ACSL3: variants seen among roughly 807,000 people sequenced by gnomAD.
ACSL3 encodes fatty acid CoA ligase Acsl3.
ACSL3 carries 34 observed loss-of-function variants against 84.7 expected under a neutral mutation model. That is an observed-to-expected ratio of 0.40 (90% CI 0.31 to 0.53). ACSL3 has a LOEUF of 0.53. Among genes scored for constraint, ACSL3 ranks in the 20% least tolerant of loss-of-function variants. The pLI is 0.48. For synonymous variants in ACSL3, 315 were observed against 299.4 expected, an observed-to-expected ratio of 1.05 and a Z score of -0.54; for missense variants, 680 against 873.1, an observed-to-expected ratio of 0.78 and a Z score of 2.79.
At chr2:222,916,558 A>G in intron 5 of ACSL3, 62 bp downstream of exon 5, 1 of 1,450,506 alleles carries the variant, frequency 6.9e-7, no homozygotes, top group Non-Finnish European at 9.2e-7. Context: ...GAAATACTTT[A>G]CTCTGAAGAG....
intron 4 of ACSL3, among the ~76,000 whole-genome samples, chr2:222,915,785 C>A (rs1040739006): frequency 1.3e-5 from 2 of 152,162 alleles, no homozygotes; most frequent in Non-Finnish European, 2.9e-5. Context: ...TTTGCTTATC[C>A]AGAGTTTGGT....
Position 222,927,287 on chromosome 2 carries a change from T to G in ACSL3, c.1465+98T>G, listed in dbSNP as rs1387580634. The G allele has an allele frequency of 3.9e-6, 5 of 1,267,578 alleles. No homozygotes were observed. In the African/African-American group the frequency reaches 6.0e-5, roughly 15 times the overall value. 78.5% of individuals were successfully genotyped at this position (1,267,578 alleles called of 1,614,324 possible). ...AATATATAGGAGAAGAGTAGTAAGG[T>G]GTTTGTGAGGCAGAATAATGGTGGA... On this transcript the variant is annotated intron_variant, in intron 12 of 16. Coordinates refer to ENST00000357430, the MANE Select transcript of ACSL3 (RefSeq NM_004457.5).
intron 16 of ACSL3, among the ~76,000 whole-genome samples, chr2:222,939,008 G>T (rs1043121806): frequency 6.6e-6 from 1 of 150,474 alleles, no homozygotes; most frequent in Non-Finnish European, 1.5e-5. Context: ...TTCATGCGTT[G>T]TTTTCTTGTT....
chr2:222,877,949 C>T (rs939151942), intron 1 of ACSL3, among the ~76,000 whole-genome samples: 1 of 152,078 alleles, frequency 6.6e-6, no homozygotes, highest in Admixed American at 6.5e-5. Flanking sequence ...TGCTGTCTTT[C>T]TTAGATAAGT....
chr2:222,889,816 TG>T (rs1695802480), intron 2 of ACSL3, among the ~76,000 whole-genome samples: 1 of 152,214 alleles, frequency 6.6e-6, no homozygotes, highest in African/African-American at 2.4e-5. Context: ...TTTGAGCACT[TG>T]CAGAAAAGCT....
intron 2 of ACSL3, among the ~76,000 whole-genome samples, chr2:222,899,078 G>A (rs537708819): frequency 1.5e-4 from 23 of 151,980 alleles, no homozygotes; most frequent in Middle Eastern, 6.9e-3. Flanking sequence ...AGCTTTCACC[G>A]TCATACGATA....
intron 2 of ACSL3, among the ~76,000 whole-genome samples, chr2:222,892,562 G>A (rs1695868204): frequency 1.3e-5 from 2 of 152,184 alleles, no homozygotes; most frequent in East Asian, 1.9e-4. Flanking sequence ...TACATGATTT[G>A]CGTCATTCAT....
At chr2:222,931,379 A>G (rs1039200029) in intron 14 of ACSL3, among the ~76,000 whole-genome samples, 4 of 150,208 alleles carry the variant, frequency 2.7e-5, no homozygotes, top group Non-Finnish European at 4.4e-5. Context: ...GCGACACTGC[A>G]CTCCAACCTG....
intron 16 of ACSL3, among the ~76,000 whole-genome samples, chr2:222,941,188 CAG>C (rs1697295958): frequency 6.6e-6 from 1 of 152,180 alleles, no homozygotes; most frequent in African/African-American, 2.4e-5. Flanking sequence ...CCTGAGCTTT[CAG>C]AGTTACTGGG....
rs1428360375 is a variant in ACSL3 at position 222,933,504 on chromosome 2, A to C, written c.1847+224A>C. ...TGTTTTCTGCTTTACGTCTCACTGC[A>C]GTGTCCCATGGAGGGAGGTGAAGAA... On this transcript the variant is annotated intron_variant, in intron 15 of 16. Coordinates refer to ENST00000357430, the MANE Select transcript of ACSL3 (RefSeq NM_004457.5). 2.8e-5 allele frequency: 12 copies of C among 422,690 alleles called. No homozygotes were observed. In the Admixed American group the frequency reaches 3.7e-4, roughly 13 times the overall value. The allele number at this position is 422,690 out of a possible 1,614,324, so 26.2% of individuals were successfully genotyped here. A position where few individuals can be genotyped will look rare whatever the true frequency, so the allele number is the denominator to read the frequency against.
At chr2:222,916,989 G>A (rs1057170218) in intron 5 of ACSL3, among the ~76,000 whole-genome samples, 2 of 152,032 alleles carry the variant, frequency 1.3e-5, no homozygotes, top group Non-Finnish European at 2.9e-5. Context: ...CAGAGGTCTC[G>A]GTGCCAAAAT....
chr2:222,934,413 T>C (rs1468507083), intron 15 of ACSL3, 117 bp from the exon 16 acceptor site: 1 of 768,190 alleles, frequency 1.3e-6, no homozygotes, highest in Non-Finnish European at 1.9e-6. Context: ...GTGCCAAGTA[T>C]GGCACATGCA....
At chr2:222,879,960 T>G (rs537699300) in intron 1 of ACSL3, among the ~76,000 whole-genome samples, 3 of 152,208 alleles carry the variant, frequency 2.0e-5, no homozygotes, top group Non-Finnish European at 2.9e-5. Flanking sequence ...CTAGGCTGGT[T>G]GTTTGCTTCA....
At chr2:222,922,218 A>G (rs896251336) in intron 8 of ACSL3, among the ~76,000 whole-genome samples, 2 of 152,182 alleles carry the variant, frequency 1.3e-5, no homozygotes, top group South Asian at 4.1e-4. Flanking sequence ...ATGTAATCCA[A>G]TTCCCACAAC....
intron 2 of ACSL3, among the ~76,000 whole-genome samples, chr2:222,892,011 A>G (rs1007186536): frequency 4.6e-5 from 7 of 152,114 alleles, no homozygotes; most frequent in African/African-American, 1.7e-4. Context: ...TTATTTTTGT[A>G]TTAAGGAGGT....
chr2:222,915,116 A>G (rs1467129271), intron 4 of ACSL3, among the ~76,000 whole-genome samples: 1 of 152,206 alleles, frequency 6.6e-6, no homozygotes, highest in Non-Finnish European at 1.5e-5. Flanking sequence ...AAAATTCTTA[A>G]TAATTATAAT....
rs537416576 is a variant in ACSL3, at chr2:222,927,201, C to T, written c.1465+12C>T. ...AACAATTTCCGAAGGTAGTGTTCTC[C>T]ATGGTCAGAGGCTGGAGTGTGATGC... On this transcript the variant is annotated intron_variant, in intron 12 of 16. Transcript: ENST00000357430. 1.2e-6 allele frequency: 2 copies of T among 1,609,526 alleles called. No homozygotes were observed. The highest frequency in any genetic ancestry group is 1.7e-5 in the Admixed American group (1 of 59,928).
At chr2:222,872,514 C>A (rs1049037634) in intron 1 of ACSL3, among the ~76,000 whole-genome samples, 1 of 152,196 alleles carries the variant, frequency 6.6e-6, no homozygotes, top group Non-Finnish European at 1.5e-5. Flanking sequence ...ATCTGTTTGT[C>A]TATCGGTGTG....
intron 1 of ACSL3, among the ~76,000 whole-genome samples, chr2:222,868,153 G>A (rs1258604000): frequency 6.6e-6 from 1 of 152,088 alleles, no homozygotes; most frequent in Non-Finnish European, 1.5e-5. Flanking sequence ...AGCTAATTCT[G>A]TATTTTAGTG....
Sources: allele counts gnomAD v4.1 joint callset (sites outside exome capture counted in the v4.1 genomes callset), GRCh38; gene constraint gnomAD v4.1.1; transcripts MANE v1.5; gene names NCBI Gene and HGNC (gene_info 2026-07-23, HGNC 2026-07-21).